FMN1: variants seen among roughly 807,000 people sequenced by gnomAD.
FMN1 encodes formin-1.
Under a neutral mutation model 132.4 loss-of-function variants are expected in FMN1, and 110 were observed. That is an observed-to-expected ratio of 0.83 (90% CI 0.71 to 0.97). The LOEUF (loss-of-function observed/expected upper bound fraction) is 0.97. Ranked by LOEUF, FMN1 falls within the 50% of genes least tolerant of loss-of-function variation. FMN1 has a pLI of 0.00. For missense variants in FMN1, 1,792 were observed against 1,705.3 expected, an observed-to-expected ratio of 1.05 and a Z score of -0.90; for synonymous variants, 722 against 651.7, an observed-to-expected ratio of 1.11 and a Z score of -1.64.
intron 10 of FMN1, among the ~76,000 whole-genome samples, chr15:32,920,418 T>C (rs1226635515): frequency 6.6e-6 from 1 of 152,176 alleles, no homozygotes; most frequent in Non-Finnish European, 1.5e-5. Flanking sequence ...AACCAAGGCT[T>C]TTCCTTTAGT....
At chr15:33,072,585 TAC>T (rs1452908308) in intron 5 of FMN1, among the ~76,000 whole-genome samples, 1 of 152,180 alleles carries the variant, frequency 6.6e-6, no homozygotes, top group African/African-American at 2.4e-5. Context: ...CTCTCAGCTG[TAC>T]ACAGATTGAA....
chr15:33,127,530 C>A (rs1185592389), intron 4 of FMN1, among the ~76,000 whole-genome samples: 1 of 152,166 alleles, frequency 6.6e-6, no homozygotes, highest in Non-Finnish European at 1.5e-5. Context: ...TAAACTCAAC[C>A]TGAATAAAGT....
At chr15:32,790,991 C>T (rs2057056263) in intron 19 of FMN1, among the ~76,000 whole-genome samples, 1 of 152,136 alleles carries the variant, frequency 6.6e-6, no homozygotes, top group Non-Finnish European at 1.5e-5. Flanking sequence ...TTCTACAGAA[C>T]CTGGTTTCTG....
intron 4 of FMN1, among the ~76,000 whole-genome samples, chr15:33,096,658 G>C (rs2039096477): frequency 6.6e-6 from 1 of 151,568 alleles, no homozygotes; most frequent in South Asian, 2.1e-4. Context: ...GGAGTGCTGT[G>C]GTGCGATCCT....
intron 6 of FMN1, among the ~76,000 whole-genome samples, chr15:33,038,072 A>G (rs2141103153): frequency 6.6e-6 from 1 of 152,268 alleles, no homozygotes; most frequent in South Asian, 2.1e-4. Flanking sequence ...AAAATATTAT[A>G]CAAAAATTAG....
intron 2 of FMN1, among the ~76,000 whole-genome samples, chr15:33,191,338 A>C (rs1434670269): frequency 6.6e-6 from 1 of 152,232 alleles, no homozygotes; most frequent in Non-Finnish European, 1.5e-5. Context: ...ATGGAACATA[A>C]AACAAGTCAG....
chr15:32,934,252 C>T (rs144959524), intron 9 of FMN1, among the ~76,000 whole-genome samples: 43 of 152,122 alleles, frequency 2.8e-4, no homozygotes, highest in Non-Finnish European at 5.6e-4. Flanking sequence ...CACTCCCACA[C>T]TTCATGTAAT....
At chr15:33,022,064 G>A (rs776039760) in intron 6 of FMN1, among the ~76,000 whole-genome samples, 10 of 152,184 alleles carry the variant, frequency 6.6e-5, no homozygotes, top group Non-Finnish European at 1.2e-4. Context: ...AAATCCGTGA[G>A]TCCTTATATA....
intron 19 of FMN1, among the ~76,000 whole-genome samples, chr15:32,789,356 T>C (rs758819362): frequency 2.0e-5 from 3 of 152,212 alleles, no homozygotes; most frequent in Non-Finnish European, 2.9e-5. Context: ...ACACCGTATG[T>C]GATCAATAAA....
At chr15:32,809,099 G>A (rs984444776) in intron 17 of FMN1, among the ~76,000 whole-genome samples, 3 of 152,126 alleles carry the variant, frequency 2.0e-5, no homozygotes, top group African/African-American at 7.2e-5. Context: ...AGTCATGGGG[G>A]TGGATGTGAG....
intron 17 of FMN1, among the ~76,000 whole-genome samples, chr15:32,822,515 A>ATT (rs149831319): frequency 0.017 from 2,524 of 150,636 alleles, 78 homozygotes; most frequent in African/African-American, 0.058. Context: ...TTATTACTCC[A>ATT]TTTTTTTTTC....
intron 5 of FMN1, among the ~76,000 whole-genome samples, chr15:33,077,990 A>T (rs1231057469): frequency 6.6e-6 from 1 of 152,202 alleles, no homozygotes; most frequent in Admixed American, 6.5e-5. Context: ...AGGAAACAAC[A>T]GGTGCTGGAG....
intron 6 of FMN1, among the ~76,000 whole-genome samples, chr15:33,026,409 T>TACACACAC (rs532485925): frequency 4.7e-5 from 1 of 21,382 alleles, no homozygotes; most frequent in Non-Finnish European, 1.4e-4. Flanking sequence ...CGTCCAAATT[T>TACACACAC]TCACACACAC....
At chr15:33,088,664 G>A in intron 5 of FMN1, 135 bp downstream of exon 5, 1 of 765,744 alleles carries the variant, frequency 1.3e-6, no homozygotes, top group Non-Finnish European at 2.0e-6. Flanking sequence ...ATTTTCTGCA[G>A]CCCACTGATT....
At chr15:33,043,120 C>G (rs1385030934) in intron 6 of FMN1, among the ~76,000 whole-genome samples, 1 of 152,158 alleles carries the variant, frequency 6.6e-6, no homozygotes, top group African/African-American at 2.4e-5. Context: ...GATCTCTTCC[C>G]TGGTTAGCGC....
At chr15:33,115,466 T>C (rs1460312828) in intron 4 of FMN1, among the ~76,000 whole-genome samples, 1 of 151,322 alleles carries the variant, frequency 6.6e-6, no homozygotes, top group Non-Finnish European at 1.5e-5. Flanking sequence ...ACAGCCTTGC[T>C]AAGGAAACTG....
At chr15:32,891,837 TCTTGATTTGATTCTCTG>T in intron 15 of FMN1, among the ~76,000 whole-genome samples, 1 of 152,148 alleles carries the variant, frequency 6.6e-6, no homozygotes, top group East Asian at 1.9e-4. Flanking sequence ...GAGGTTGAGT[TCTTGATTTGATTCTCTG>T]CTTGGTCACT....
intron 16 of FMN1, among the ~76,000 whole-genome samples, chr15:32,862,771 T>C (rs985323738): frequency 6.6e-6 from 1 of 152,226 alleles, no homozygotes; most frequent in Non-Finnish European, 1.5e-5. Context: ...TTGTTTCTTT[T>C]TGTATGAGCT....
At position 32,822,381 on chromosome 15, in the gene FMN1, C is replaced by T. The variant is rs558947817; in HGVS notation, c.3929-18049G>A. ...ACAAACAAACAAAAAAGATGATCTA[C>T]GATTAGTAATCTTTCTAGGCTCTGC... On this transcript the variant is annotated intron_variant, in intron 17 of 20. Transcript: ENST00000616417. Among the ~76,000 whole-genome samples, 39 of 151,750 alleles carry T rather than the reference C, an allele frequency of 2.6e-4. No individual in the cohort carries two copies. The South Asian group carries it at 5.8e-3, about 23-fold the overall frequency.
Sources: allele counts gnomAD v4.1 joint callset (sites outside exome capture counted in the v4.1 genomes callset), GRCh38; gene constraint gnomAD v4.1.1; transcripts MANE v1.5; gene names NCBI Gene and HGNC (gene_info 2026-07-23, HGNC 2026-07-21).